The following ANXA13 variants were observed in gnomAD, a reference collection of about 807,000 sequenced individuals.
ANXA13 encodes the protein annexin A13.
In ANXA13, 36 loss-of-function variants were observed where a neutral mutation model predicts 46.6. That is an observed-to-expected ratio of 0.77 (90% CI 0.59 to 1.02). The LOEUF is 1.02. Among genes scored for constraint, ANXA13 ranks in the 50% least tolerant of loss-of-function variants. The probability of loss-of-function intolerance (pLI) is 0.00; values close to 1 mark genes in which losing one functional copy is unlikely to be tolerated. For synonymous variants in ANXA13, 163 were observed against 152.9 expected (o/e 1.07, Z -0.49); for missense variants, 417 against 396.5 (o/e 1.05, Z -0.44).
At chr8:123,705,952 CA>C (rs1315866211) in intron 2 of ANXA13, among the ~76,000 whole-genome samples, 1 of 152,186 alleles carries the variant, frequency 6.6e-6, no homozygotes, top group South Asian at 2.1e-4. Context: ...CAGGCCTGAG[CA>C]GGGGTCTGAT....
At chr8:123,709,510 T>G (rs1463711139) in intron 2 of ANXA13, among the ~76,000 whole-genome samples, 1 of 152,070 alleles carries the variant, frequency 6.6e-6, no homozygotes, top group African/African-American at 2.4e-5. Context: ...CTTAACGCAT[T>G]GATGCCTGAG....
At chr8:123,693,363 T>C (rs1813275990) in intron 7 of ANXA13, 65 bp from the exon 8 acceptor site, 1 of 1,391,726 alleles carries the variant, frequency 7.2e-7, no homozygotes, top group Non-Finnish European at 1.0e-6. Flanking sequence ...TGCAGTGCTG[T>C]GACTAGGCCT....
At chr8:123,722,826 C>T (rs1392435570) in intron 1 of ANXA13, among the ~76,000 whole-genome samples, 1 of 152,152 alleles carries the variant, frequency 6.6e-6, no homozygotes, top group Non-Finnish European at 1.5e-5. Flanking sequence ...CCCTTCTGCC[C>T]TTCAAAGGCT....
intron 2 of ANXA13, among the ~76,000 whole-genome samples, chr8:123,708,728 G>A (rs1396447341): frequency 6.6e-6 from 1 of 152,174 alleles, no homozygotes. Flanking sequence ...TTCCTGCACA[G>A]CTCTGGAGGG....
intron 2 of ANXA13, among the ~76,000 whole-genome samples, chr8:123,704,401 C>T (rs940646240): frequency 2.0e-5 from 3 of 151,896 alleles, no homozygotes; most frequent in South Asian, 2.1e-4. Flanking sequence ...ATTCTGCAGT[C>T]GGGAATTATT....
chr8:123,722,993 G>A (rs892791034), intron 1 of ANXA13, among the ~76,000 whole-genome samples: 9 of 152,222 alleles, frequency 5.9e-5, no homozygotes, highest in African/African-American at 2.2e-4. Context: ...ACATTTTGAA[G>A]ACTGAAAAGA....
At chr8:123,693,330 G>A in intron 7 of ANXA13, 32 bp from the exon 8 acceptor site, 1 of 1,596,944 alleles carries the variant, frequency 6.3e-7, no homozygotes, top group Non-Finnish European at 8.6e-7. Flanking sequence ...CTTTGAAAAA[G>A]GCTTTTGTGA....
rs111422960 is a variant in ANXA13, at chr8:123,736,257, C to T, written c.15+1063G>A. On this transcript the variant is annotated intron_variant, in intron 1 of 10. Transcript: ENST00000419625. Reference sequence around the variant, plus strand: ...AAGTTTTGGAGTTTTATTCTCTGCTCATAGTGTGCATGAAATATATCATTC... The same window carrying T: ...AAGTTTTGGAGTTTTATTCTCTGCTTATAGTGTGCATGAAATATATCATTC... Among the ~76,000 whole-genome samples, 370 of 152,276 alleles carry T rather than the reference C, an allele frequency of 2.4e-3. 2 individuals carry two copies. The highest frequency in any genetic ancestry group is 4.0e-3 in the Non-Finnish European group (270 of 68,018).
At chr8:123,707,726 A>G (rs1041858696) in intron 2 of ANXA13, among the ~76,000 whole-genome samples, 1 of 152,154 alleles carries the variant, frequency 6.6e-6, no homozygotes, top group African/African-American at 2.4e-5. Flanking sequence ...GGATAGCATT[A>G]GGAGAAATAC....
chr8:123,712,824 A>G (rs1813685223), intron 1 of ANXA13, 71 bp from the exon 2 acceptor site: 1 of 1,353,116 alleles, frequency 7.4e-7, no homozygotes, highest in Non-Finnish European at 1.1e-6. Context: ...TAAAATCGGT[A>G]GCAAACTGGA....
At chr8:123,699,830 C>T (rs2129862213) in intron 3 of ANXA13, among the ~76,000 whole-genome samples, 1 of 152,342 alleles carries the variant, frequency 6.6e-6, no homozygotes, top group South Asian at 2.1e-4. Flanking sequence ...CTTAATCTCA[C>T]CAACTGTCAG....
Position 123,721,794 on chromosome 8 carries a change from C to T in ANXA13, c.16-9041G>A, listed in dbSNP as rs73331984. On this transcript the variant is annotated intron_variant, in intron 1 of 10. Coordinates refer to ENST00000419625, the MANE Select transcript of ANXA13 (RefSeq NM_004306.4). ...ATATGTGCCGGGCATGGGTCCAGACCGTTTACAAATAGCAACTCATTTAAT... is the reference window on the plus strand; with the variant it reads ...ATATGTGCCGGGCATGGGTCCAGACTGTTTACAAATAGCAACTCATTTAAT... Among the ~76,000 whole-genome samples the T allele has an allele frequency of 6.0e-3, 919 of 152,118 alleles. 14 individuals carry two copies. Among genetic ancestry groups the T allele is most frequent in the African/African-American group, 0.02 (850 of 41,492 alleles).
chr8:123,708,220 G>C (rs1813581677), intron 2 of ANXA13, among the ~76,000 whole-genome samples: 1 of 152,224 alleles, frequency 6.6e-6, no homozygotes, highest in Non-Finnish European at 1.5e-5. Context: ...CCACACACTG[G>C]ACACTGTAAT....
intron 9 of ANXA13, among the ~76,000 whole-genome samples, chr8:123,687,511 T>A (rs1165388713): frequency 2.6e-5 from 4 of 152,162 alleles, no homozygotes; most frequent in Non-Finnish European, 5.9e-5. Context: ...CGTGTATATA[T>A]CCAGTGTGGG....
chr8:123,698,084 G>A (rs1813375901), intron 4 of ANXA13, among the ~76,000 whole-genome samples: 1 of 152,222 alleles, frequency 6.6e-6, no homozygotes, highest in Non-Finnish European at 1.5e-5. Flanking sequence ...GAGCCGCAAA[G>A]TCAGGCTGGG....
At chr8:123,735,598 CT>C (rs1814242864) in intron 1 of ANXA13, among the ~76,000 whole-genome samples, 2 of 152,214 alleles carry the variant, frequency 1.3e-5, no homozygotes, top group African/African-American at 4.8e-5. Context: ...CAGTAACAAA[CT>C]TTTTGCAGGG....
Position 123,698,403 on chromosome 8 carries a change from T to G in ANXA13, c.343A>C (p.Thr115Pro), listed in dbSNP as rs1367149425. The change falls in exon 4 of 11, where the codon ACG (threonine) becomes CCG (proline). Residue 115 changes from threonine (T) to proline (P), a missense_variant. Transcript: ENST00000419625. ...CTGGGACTGACCTTATTGGTCCTCG[T>G]GCACAGGACCTCAATGAGGACGGAC... is the stretch of plus-strand genomic sequence containing the variant. ...DESVLIEVLC[T>P]RTNKEIIAIK... is the part of the protein sequence containing the mutation. 8 of 1,614,026 alleles carry G rather than the reference T, an allele frequency of 5.0e-6. No homozygotes were observed. The highest frequency in any genetic ancestry group is 1.3e-5 in the African/African-American group (1 of 74,928).
chr8:123,718,030 G>A (rs1438898599), intron 1 of ANXA13, among the ~76,000 whole-genome samples: 4 of 152,186 alleles, frequency 2.6e-5, no homozygotes, highest in Admixed American at 6.5e-5. Context: ...AACTCCCTGC[G>A]ATTCCTCGAG....
chr8:123,708,403 C>T (rs1446872119), intron 2 of ANXA13, among the ~76,000 whole-genome samples: 2 of 152,178 alleles, frequency 1.3e-5, no homozygotes, highest in Admixed American at 6.5e-5. Flanking sequence ...GAACAGTGAT[C>T]GGGGCTGTGG....
Sources: gnomAD v4.1 joint callset for allele counts (sites outside exome capture counted in the v4.1 genomes callset) on GRCh38, gnomAD v4.1.1 for gene constraint, MANE v1.5 for transcripts, NCBI Gene and HGNC (gene_info 2026-07-23, HGNC 2026-07-21) for gene names.